Variants in COBL observed in about 807,000 individuals in gnomAD.
The protein encoded by COBL is cordon-bleu WH2 repeat protein, also known as protein cordon-bleu.
Under a neutral mutation model 98.8 loss-of-function variants are expected in COBL, and 51 were observed. That is an observed-to-expected ratio of 0.52 (90% CI 0.41 to 0.65). The LOEUF is 0.65. Among genes scored for constraint, COBL ranks in the 30% least tolerant of loss-of-function variants. The pLI is 0.00. For synonymous variants in COBL, 634 were observed against 651.7 expected (o/e 0.97, Z 0.41); for missense variants, 1,617 against 1,617.5 (o/e 1.00, Z 0.01).
chr7:51,297,592 C>T (rs938975275), intron 1 of COBL, among the ~76,000 whole-genome samples: 1 of 151,924 alleles, frequency 6.6e-6, no homozygotes, highest in Non-Finnish European at 1.5e-5. Context: ...GGGGTTTTGC[C>T]ACGTTGGCCA....
intron 6 of COBL, among the ~76,000 whole-genome samples, chr7:51,120,792 C>G (rs1797673318): frequency 6.6e-6 from 1 of 152,206 alleles, no homozygotes; most frequent in Admixed American, 6.5e-5. Flanking sequence ...CTTCAAGGTA[C>G]ATCCATGATG....
At chr7:51,313,084 A>G (rs1803207851) in intron 1 of COBL, among the ~76,000 whole-genome samples, 1 of 152,250 alleles carries the variant, frequency 6.6e-6, no homozygotes, top group Admixed American at 6.5e-5. Flanking sequence ...CTCAGAAGTA[A>G]TATCTTTTAA....
intron 1 of COBL, among the ~76,000 whole-genome samples, chr7:51,248,285 G>A (rs1267640640): frequency 2.6e-5 from 4 of 152,116 alleles, no homozygotes; most frequent in Non-Finnish European, 5.9e-5. Flanking sequence ...GCTCTATCTC[G>A]TTGATTTAGA....
At chr7:51,244,336 G>A (rs1300697368) in intron 1 of COBL, among the ~76,000 whole-genome samples, 1 of 152,238 alleles carries the variant, frequency 6.6e-6, no homozygotes, top group Non-Finnish European at 1.5e-5. Flanking sequence ...CTGTACACCT[G>A]CTGTCATCCA....
chr7:51,141,094 C>G (rs766377603), intron 5 of COBL, among the ~76,000 whole-genome samples: 1 of 151,378 alleles, frequency 6.6e-6, no homozygotes, highest in Non-Finnish European at 1.5e-5. Flanking sequence ...ACAGGAGATG[C>G]TGTACCTGAA....
chr7:51,288,776 ATAATTTT>A lies in COBL; in HGVS notation c.41+27810_41+27816del, dbSNP rs1800618752. Among the ~76,000 whole-genome samples the A allele has an allele frequency of 1.7e-5, 2 of 121,036 alleles. 1 individual carries two copies. The highest frequency in any genetic ancestry group is 7.1e-5 in the African/African-American group (2 of 28,280). 79.4% of individuals were successfully genotyped at this position (121,036 alleles called of 152,430 possible). On this transcript the variant is annotated intron_variant, in intron 1 of 12. Coordinates refer to ENST00000265136, the MANE Select transcript of COBL (RefSeq NM_015198.5). ...TCTCAAAAAATAAAATAAATAAATAATAATTTTAGAAAATACAAATGGGAAATAAGAA... is the reference window on the plus strand; with the variant it reads ...TCTCAAAAAATAAAATAAATAAATAAAGAAAATACAAATGGGAAATAAGAA...
intron 5 of COBL, among the ~76,000 whole-genome samples, chr7:51,142,003 T>C (rs1019807830): frequency 1.2e-4 from 19 of 152,192 alleles, no homozygotes; most frequent in Admixed American, 1.0e-3. Context: ...GCTGAATCCC[T>C]GAGCCAAATC....
intron 1 of COBL, among the ~76,000 whole-genome samples, chr7:51,221,426 A>G (rs1321539558): frequency 6.6e-6 from 1 of 152,250 alleles, no homozygotes; most frequent in East Asian, 1.9e-4. Flanking sequence ...ATACATTAAT[A>G]AATTAACACA....
intron 5 of COBL, among the ~76,000 whole-genome samples, chr7:51,164,347 A>G (rs1471059282): frequency 6.6e-6 from 1 of 152,192 alleles, no homozygotes; most frequent in Non-Finnish European, 1.5e-5. Flanking sequence ...AAAGTCAAGG[A>G]TAAAGAAAGG....
chr7:51,249,414 G>A (rs1466520742), intron 1 of COBL, among the ~76,000 whole-genome samples: 1 of 152,198 alleles, frequency 6.6e-6, no homozygotes, highest in African/African-American at 2.4e-5. Flanking sequence ...CATTCTCACA[G>A]GATGAGTCAT....
At chr7:51,288,523 C>G (rs566380930) in intron 1 of COBL, among the ~76,000 whole-genome samples, 1 of 151,844 alleles carries the variant, frequency 6.6e-6, no homozygotes, top group Non-Finnish European at 1.5e-5. Context: ...GAGGCCGAGG[C>G]AGGTGGCTCA....
chr7:51,121,245 G>A (rs1191773066), intron 6 of COBL, among the ~76,000 whole-genome samples: 3 of 152,152 alleles, frequency 2.0e-5, no homozygotes, highest in Non-Finnish European at 4.4e-5. Context: ...TCTCATTGTG[G>A]TTTTGATTTG....
rs776483472 is a variant in COBL, at chr7:51,243,349, CCAGTGGTGACA to C, written c.42-23416_42-23406del. On this transcript the variant is annotated intron_variant, in intron 1 of 12. Coordinates refer to ENST00000265136, the MANE Select transcript of COBL (RefSeq NM_015198.5). ...ACCTCACCCCTCTGTACCTCCGGTT[CCAGTGGTGACA>C]CAGGGGTGACGGTGATGTCACTGCC... Among the ~76,000 whole-genome samples, 19 of 152,282 alleles carry C rather than the reference CCAGTGGTGACA, an allele frequency of 1.2e-4. No homozygotes were observed. The South Asian group carries it at 2.5e-3, about 20-fold the overall frequency.
chr7:51,258,036 A>G (rs1356544401), intron 1 of COBL, among the ~76,000 whole-genome samples: 1 of 152,210 alleles, frequency 6.6e-6, no homozygotes, highest in African/African-American at 2.4e-5. Context: ...CTTGTTTGCT[A>G]ATTTTTAAAT....
intron 2 of COBL, among the ~76,000 whole-genome samples, chr7:51,213,711 G>A (rs560115742): frequency 8.9e-4 from 135 of 152,176 alleles, no homozygotes; most frequent in Non-Finnish European, 1.8e-3. Context: ...AGGTGAGTAG[G>A]GGCCTACCTC....
chr7:51,208,079 G>A (rs1169500760), intron 2 of COBL, among the ~76,000 whole-genome samples: 5 of 150,026 alleles, frequency 3.3e-5, no homozygotes, highest in Non-Finnish European at 5.9e-5. Flanking sequence ...CCTCTGCCCC[G>A]CCGCCCCGTC....
At chr7:51,160,546 C>G (rs189832100) in intron 5 of COBL, among the ~76,000 whole-genome samples, 1 of 152,216 alleles carries the variant, frequency 6.6e-6, no homozygotes, top group Non-Finnish European at 1.5e-5. Flanking sequence ...CAGGGCCGAG[C>G]CAACCTTCAT....
chr7:51,277,633 G>A (rs1288327823), intron 1 of COBL, among the ~76,000 whole-genome samples: 4 of 152,122 alleles, frequency 2.6e-5, no homozygotes, highest in South Asian at 2.1e-4. Flanking sequence ...GTTGGACAGC[G>A]GGCTAGAGGA....
At chr7:51,225,276 G>A (rs756513977) in intron 1 of COBL, among the ~76,000 whole-genome samples, 1 of 152,194 alleles carries the variant, frequency 6.6e-6, no homozygotes, top group Non-Finnish European at 1.5e-5. Flanking sequence ...AGCAGGGGAT[G>A]CCTTTCTCAA....
Sources: gnomAD v4.1 joint callset for allele counts (sites outside exome capture counted in the v4.1 genomes callset) on GRCh38, gnomAD v4.1.1 for gene constraint, MANE v1.5 for transcripts, NCBI Gene and HGNC (gene_info 2026-07-23, HGNC 2026-07-21) for gene names.